EBF3: variants seen among roughly 807,000 people sequenced by gnomAD.
The protein encoded by EBF3 is EBF transcription factor 3.
EBF3 carries 18 observed loss-of-function variants against 77.1 expected under a neutral mutation model. That is an observed-to-expected ratio of 0.23 (90% confidence interval 0.16 to 0.35). The LOEUF (loss-of-function observed/expected upper bound fraction) is 0.35. EBF3 is among the 10% of genes least tolerant of loss of function. The pLI is 1.00. For missense variants in EBF3, 558 were observed against 860.0 expected (o/e 0.65, Z 4.39); for synonymous variants, 350 against 343.5 (o/e 1.02, Z -0.21).
chr10:129,926,699 A>G (rs996482369), intron 6 of EBF3, among the ~76,000 whole-genome samples: 28 of 152,218 alleles, frequency 1.8e-4, no homozygotes, highest in African/African-American at 6.5e-4. Flanking sequence ...TAAACAAAAG[A>G]AAAACAAACA....
chr10:129,961,342 CG>C (rs922933320), intron 4 of EBF3, among the ~76,000 whole-genome samples: 4 of 152,054 alleles, frequency 2.6e-5, no homozygotes, highest in East Asian at 1.9e-4. Context: ...AAAATGGGGG[CG>C]GGGGGAAATC....
At chr10:129,898,209 G>T (rs1042335530) in intron 6 of EBF3, among the ~76,000 whole-genome samples, 8 of 152,230 alleles carry the variant, frequency 5.3e-5, no homozygotes, top group Non-Finnish European at 1.0e-4. Context: ...AGTCTGAAGA[G>T]CAAAGTCATA....
In EBF3 at chr10:129,840,857, G is replaced by C. The variant is rs1328163811; in HGVS notation, c.1548C>G (p.Asn516Lys). 1 of 1,613,468 alleles carries C rather than the reference G, an allele frequency of 6.2e-7. No homozygotes were observed. Among genetic ancestry groups the C allele is most frequent in the Non-Finnish European group, 8.5e-7 (1 of 1,179,710 alleles). ...SPGFLNGSSANSPYGIVPSSP... is the reference protein window; with the variant it reads ...SPGFLNGSSAKSPYGIVPSSP... ...ACAGACACTTACTGCCGTAGGGAGA[G>C]TTAGCGGAGGAGCCATTAAGAAATC... Residue 516 changes from asparagine to lysine, a missense_variant, in exon 14 of 17, where the codon AAC becomes AAG. Transcript: ENST00000440978.
At chr10:129,903,995 C>T (rs967971281) in intron 6 of EBF3, among the ~76,000 whole-genome samples, 4 of 152,200 alleles carry the variant, frequency 2.6e-5, no homozygotes, top group Non-Finnish European at 4.4e-5. Context: ...TGCTGCCACT[C>T]TCAGAAGAGG....
intron 10 of EBF3, among the ~76,000 whole-genome samples, chr10:129,865,132 A>C (rs1851909530): frequency 6.6e-6 from 1 of 152,200 alleles, no homozygotes; most frequent in South Asian, 2.1e-4. Flanking sequence ...CAGTTTGCAC[A>C]GGAGGCATGT....
intron 10 of EBF3, among the ~76,000 whole-genome samples, chr10:129,854,215 AT>A (rs1851090159): frequency 6.6e-6 from 1 of 152,144 alleles, no homozygotes; most frequent in Non-Finnish European, 1.5e-5. Context: ...CTCCAAGTGC[AT>A]TTCATCTATA....
chr10:129,868,299 T>C (rs540646056), intron 8 of EBF3, among the ~76,000 whole-genome samples: 1 of 152,368 alleles, frequency 6.6e-6, no homozygotes, highest in Non-Finnish European at 1.5e-5. Context: ...GCAAATGCCT[T>C]GCATTTCGAT....
chr10:129,849,297 C>G (rs907621413), intron 10 of EBF3, among the ~76,000 whole-genome samples: 5 of 152,214 alleles, frequency 3.3e-5, no homozygotes, highest in African/African-American at 1.2e-4. Flanking sequence ...GATGAAAATA[C>G]TTATTGGAGT....
At chr10:129,838,322 C>G (rs1317936137) in intron 16 of EBF3, among the ~76,000 whole-genome samples, 1 of 152,256 alleles carries the variant, frequency 6.6e-6, no homozygotes, top group African/African-American at 2.4e-5. Flanking sequence ...CCCGGAGCCC[C>G]CTCTGTCGAG....
intron 16 of EBF3, among the ~76,000 whole-genome samples, chr10:129,838,278 G>T (rs747111067): frequency 2.0e-5 from 3 of 152,260 alleles, no homozygotes; most frequent in African/African-American, 7.2e-5. Flanking sequence ...CACACTGACC[G>T]GTGCACTGCC....
chr10:129,900,784 C>T (rs750178586), intron 6 of EBF3, among the ~76,000 whole-genome samples: 12 of 152,222 alleles, frequency 7.9e-5, no homozygotes, highest in Non-Finnish European at 1.8e-4. Context: ...TGGCTTTTTC[C>T]GTCACAGCCT....
At chr10:129,855,608 T>A (rs147651589) in intron 10 of EBF3, among the ~76,000 whole-genome samples, 119 of 152,196 alleles carry the variant, frequency 7.8e-4, no homozygotes, top group African/African-American at 2.8e-3. Context: ...GCCCCAGGTA[T>A]CCTATAACCC....
At chr10:129,860,198 C>T (rs951744039) in intron 10 of EBF3, among the ~76,000 whole-genome samples, 1 of 152,094 alleles carries the variant, frequency 6.6e-6, no homozygotes. Context: ...GCACGTCCTA[C>T]TCAATCAGAA....
intron 6 of EBF3, among the ~76,000 whole-genome samples, chr10:129,912,476 T>C (rs1855595197): frequency 6.6e-6 from 1 of 152,102 alleles, no homozygotes; most frequent in South Asian, 2.1e-4. Flanking sequence ...AAAGCAGAAC[T>C]CAAAACATTT....
chr10:129,896,432 C>T (rs1421489317), intron 6 of EBF3, among the ~76,000 whole-genome samples: 6 of 152,236 alleles, frequency 3.9e-5, no homozygotes, highest in Admixed American at 1.3e-4. Flanking sequence ...ACGCGGCCAC[C>T]GTCAGCCACC....
At chr10:129,948,965 G>A (rs1299838646) in intron 6 of EBF3, among the ~76,000 whole-genome samples, 1 of 152,150 alleles carries the variant, frequency 6.6e-6, no homozygotes, top group African/African-American at 2.4e-5. Context: ...AGAGCATTTA[G>A]GCCCCTGCCA....
chr10:129,880,328 CAT>C (rs1268166285), intron 6 of EBF3, among the ~76,000 whole-genome samples: 4 of 151,810 alleles, frequency 2.6e-5, no homozygotes, highest in Non-Finnish European at 1.5e-5. Flanking sequence ...CATGCCCACA[CAT>C]ACATACACAC....
intron 8 of EBF3, 90 bp downstream of exon 8, chr10:129,873,362 G>T: frequency 7.4e-7 from 1 of 1,357,576 alleles, no homozygotes; most frequent in East Asian, 2.7e-5. Context: ...CGGGGGCCTG[G>T]TGAGAGTAAC....
Position 129,963,974 on chromosome 10 carries a change from C to T in EBF3, c.-206G>A, listed in dbSNP as rs546008500. 9.7e-3 allele frequency: 9,892 copies of T among 1,021,052 alleles called. 65 individuals are homozygous for T. The highest frequency in any genetic ancestry group is 0.011 in the Non-Finnish European group (9,258 of 854,972). 63.2% of individuals were successfully genotyped at this position (1,021,052 alleles called of 1,614,324 possible). On this transcript the variant is annotated 5_prime_UTR_variant, in exon 1 of 17. Transcript: ENST00000440978. This position sits in a 1 kb window ranked among gnomAD's most constrained non-coding sequence, Gnocchi z 7.1. ...CTCCGGACGGCCAGGGGCGCGGAGG[C>T]GGCTCCACCGGCGGCGGCGGCGCTT...
Sources: gnomAD v4.1 joint callset for allele counts (sites outside exome capture counted in the v4.1 genomes callset) on GRCh38, gnomAD v4.1.1 for gene constraint, Gnocchi (gnomAD v3.1) non-coding constraint, MANE v1.5 for transcripts, NCBI Gene and HGNC (gene_info 2026-07-23, HGNC 2026-07-21) for gene names.